Variants in CPEB3 observed in about 807,000 individuals in gnomAD.
CPEB3 encodes cytoplasmic polyadenylation element-binding protein 3.
A neutral mutation model predicts 67.2 loss-of-function variants in CPEB3; 20 were observed. That is an observed-to-expected ratio of 0.30 (90% CI 0.21 to 0.43). CPEB3 has a LOEUF of 0.43. CPEB3 is among the 20% of genes least tolerant of loss of function. The pLI, the probability that CPEB3 is intolerant of heterozygous loss-of-function variation, is 1.00. For synonymous variants in CPEB3, 376 were observed against 393.1 expected (o/e 0.96, Z 0.51); for missense variants, 746 against 968.6 (o/e 0.77, Z 3.05).
chr10:92,213,009 T>C (rs1054016989), intron 2 of CPEB3, among the ~76,000 whole-genome samples: 2 of 152,236 alleles, frequency 1.3e-5, no homozygotes, highest in African/African-American at 4.8e-5. Flanking sequence ...GTCTATTTCT[T>C]TGGACAGCAC....
At chr10:92,146,589 A>G (rs1211985169) in intron 4 of CPEB3, among the ~76,000 whole-genome samples, 1 of 152,198 alleles carries the variant, frequency 6.6e-6, no homozygotes, top group Non-Finnish European at 1.5e-5. Flanking sequence ...TTCTTTTACA[A>G]AAAAGTTAAA....
At position 92,239,902 on chromosome 10, in the gene CPEB3, G is replaced by C. The variant is rs748222803; in HGVS notation, c.449C>G (p.Thr150Ser). 2.6e-5 allele frequency: 42 copies of C among 1,612,680 alleles called. No individual in the cohort carries two copies. The highest frequency in any genetic ancestry group is 3.4e-5 in the Non-Finnish European group (40 of 1,179,378). Residue 150 changes from threonine (T) to serine (S), a missense_variant, in exon 2 of 10, where the codon ACT (threonine) becomes AGT (serine). By Grantham distance (58) the Thr-to-Ser change is moderately conservative. Coordinates refer to ENST00000265997, the MANE Select transcript of CPEB3 (RefSeq NM_014912.5). The surrounding 1 kb of genome is among the most constrained non-coding windows in gnomAD (Gnocchi z 6.0). ...PHHVNPVFGG[T>S]FSPQIGLAQT... ...CGCCAGGCCGATCTGCGGGGAGAAA[G>C]TGCCTCCGAAGACTGGGTTGACATG...
intron 6 of CPEB3, among the ~76,000 whole-genome samples, chr10:92,112,126 CTTTTTTTTT>C (rs201432910): frequency 0.032 from 3,901 of 122,076 alleles, 150 homozygotes; most frequent in African/African-American, 0.1. Context: ...GACCACGTTC[CTTTTTTTTT>C]TTTTTTTTTT....
intron 7 of CPEB3, among the ~76,000 whole-genome samples, chr10:92,106,807 T>C: frequency 1.8e-5 from 1 of 55,748 alleles, no homozygotes; most frequent in Non-Finnish European, 2.9e-5. Context: ...AGAGCAAGAC[T>C]CTGTCTCAAA....
chr10:92,152,684 T>C (rs1847018362), intron 4 of CPEB3, among the ~76,000 whole-genome samples: 1 of 152,200 alleles, frequency 6.6e-6, no homozygotes, highest in South Asian at 2.1e-4. Context: ...ATTTAAAAAT[T>C]CCTTAATACC....
chr10:92,216,547 C>G, intron 2 of CPEB3: 4 of 1,612,612 alleles, frequency 2.5e-6, no homozygotes, highest in Non-Finnish European at 3.4e-6. Flanking sequence ...AATTTGTCAA[C>G]AAAGGAGAAA....
At chr10:92,173,351 C>A (rs1385753752) in intron 4 of CPEB3, among the ~76,000 whole-genome samples, 1 of 152,126 alleles carries the variant, frequency 6.6e-6, no homozygotes, top group East Asian at 1.9e-4. Flanking sequence ...ATACAAAGAA[C>A]TTCTTCCAAA....
At position 92,062,331 on chromosome 10, in the gene CPEB3, T is replaced by C. The variant is rs369900425; in HGVS notation, c.1870-9892A>G. ...TTGCCAACAAAAATAGAAAATAAAA[T>C]AAATTGTTAAAGAATAAAAGGACAT... On this transcript the variant is annotated intron_variant, in intron 9 of 9. Transcript: ENST00000265997. 3.4e-5 allele frequency among the ~76,000 whole-genome samples: 5 copies of C among 146,350 alleles called. No homozygotes were observed. In the East Asian group the frequency reaches 1.0e-3, roughly 29 times the overall value.
At chr10:92,281,374 G>A (rs1477868181) in intron 1 of CPEB3, among the ~76,000 whole-genome samples, 7 of 151,876 alleles carry the variant, frequency 4.6e-5, no homozygotes, top group African/African-American at 1.2e-4. Flanking sequence ...GACTACAGGC[G>A]TGAGCCACCA....
chr10:92,063,595 C>A (rs1481381435), intron 9 of CPEB3, among the ~76,000 whole-genome samples: 1 of 152,050 alleles, frequency 6.6e-6, no homozygotes, highest in Non-Finnish European at 1.5e-5. Context: ...AAACCCCCGT[C>A]TCTACTAAAA....
chr10:92,130,428 G>A (rs574389074), intron 6 of CPEB3, among the ~76,000 whole-genome samples: 11 of 151,836 alleles, frequency 7.2e-5, no homozygotes, highest in African/African-American at 2.7e-4. Flanking sequence ...GCCTTCCTTC[G>A]CCTTCCATGG....
At chr10:92,093,924 G>A (rs902445623) in intron 7 of CPEB3, among the ~76,000 whole-genome samples, 1 of 152,008 alleles carries the variant, frequency 6.6e-6, no homozygotes, top group Non-Finnish European at 1.5e-5. Context: ...GCATGATCTC[G>A]GCTCACTGCA....
intron 9 of CPEB3, among the ~76,000 whole-genome samples, chr10:92,072,596 C>T (rs11818152): frequency 0.27 from 41,793 of 152,096 alleles, 5,850 homozygotes; most frequent in Middle Eastern, 0.32. Flanking sequence ...AAGCAGTTTG[C>T]CCAAGATCAT....
intron 7 of CPEB3, 120 bp from the exon 8 acceptor site, chr10:92,092,064 A>G (rs528470811): frequency 2.9e-6 from 2 of 688,384 alleles, no homozygotes; most frequent in African/African-American, 3.6e-5. Context: ...CCCAAACAAA[A>G]TCCAGTTAAT....
chr10:92,107,674 GC>G (rs1380051227), intron 7 of CPEB3, among the ~76,000 whole-genome samples: 1 of 151,966 alleles, frequency 6.6e-6, no homozygotes, highest in Admixed American at 6.6e-5. Flanking sequence ...CTTCTGATAT[GC>G]CTGGGATACC....
chr10:92,106,525 A>T (rs1390011750), intron 7 of CPEB3, among the ~76,000 whole-genome samples: 1 of 152,044 alleles, frequency 6.6e-6, no homozygotes, highest in South Asian at 2.1e-4. Context: ...TTAGAAATTG[A>T]GATGGGAGGC....
chr10:92,227,172 GT>G (rs887652886), intron 2 of CPEB3, among the ~76,000 whole-genome samples: 24 of 152,306 alleles, frequency 1.6e-4, no homozygotes, highest in African/African-American at 5.5e-4. Context: ...GGTTACCTCT[GT>G]GGTCTGAGGT....
intron 6 of CPEB3, among the ~76,000 whole-genome samples, chr10:92,128,221 C>A (rs1168474246): frequency 6.6e-6 from 1 of 152,166 alleles, no homozygotes; most frequent in East Asian, 1.9e-4. Context: ...CTTCTAATAA[C>A]CCTTCAGAAG....
chr10:92,195,553 A>G (rs12263606), intron 2 of CPEB3, among the ~76,000 whole-genome samples: 1,973 of 152,286 alleles, frequency 0.013, 45 homozygotes, highest in African/African-American at 0.045. Context: ...AGGCAAAATG[A>G]TAACCTATTT....
Sources: allele counts gnomAD v4.1 joint callset (sites outside exome capture counted in the v4.1 genomes callset), GRCh38; gene constraint gnomAD v4.1.1; non-coding constraint Gnocchi (gnomAD v3.1); transcripts MANE v1.5; gene names NCBI Gene and HGNC (gene_info 2026-07-23, HGNC 2026-07-21).